RELN: variants seen among roughly 807,000 people sequenced by gnomAD.
The protein encoded by RELN is reelin.
Under a neutral mutation model 427.6 loss-of-function variants are expected in RELN, and 108 were observed. The ratio of observed to expected loss-of-function variants is 0.25; its 90% confidence interval spans 0.22 to 0.30. RELN has a LOEUF of 0.30. Among genes scored for constraint, RELN ranks in the 10% least tolerant of loss-of-function variants. RELN has a pLI of 1.00. For missense variants in RELN, 3,715 were observed against 4,302.8 expected (o/e 0.86, Z 3.82); for synonymous variants, 1,524 against 1,513.4 (o/e 1.01, Z -0.16).
At chr7:103,850,926 G>A (rs527741284) in intron 2 of RELN, among the ~76,000 whole-genome samples, 1 of 152,306 alleles carries the variant, frequency 6.6e-6, no homozygotes, top group East Asian at 1.9e-4. Flanking sequence ...AAACAGTGCA[G>A]AGATTCCTTA....
At chr7:103,514,516 G>T (rs137954119) in intron 50 of RELN, among the ~76,000 whole-genome samples, 76 of 152,156 alleles carry the variant, frequency 5.0e-4, no homozygotes, top group African/African-American at 1.8e-3. Flanking sequence ...AAAATTAGCT[G>T]GGCATGGTGT....
chr7:103,560,986 T>G (rs1044368750), intron 36 of RELN, among the ~76,000 whole-genome samples: 1 of 152,218 alleles, frequency 6.6e-6, no homozygotes, highest in Non-Finnish European at 1.5e-5. Flanking sequence ...TATTCACATA[T>G]GAAGATATGC....
rs201731543 is a variant in RELN, at chr7:103,472,855, T to C, written c.10340A>G (p.His3447Arg). ...TGACCTTCGTCTTCTGTTGTAGAAA[T>C]GTCTGAGCCCATGTTGTCGTGAAAA... Reference protein sequence around the residue: ...MNFSRQHGLRHFYNRRRRSLR... With the variant: ...MNFSRQHGLRRFYNRRRRSLR... Residue 3447 changes from histidine to arginine, a missense_variant, in exon 65 of 65, where the codon CAT (histidine) becomes CGT (arginine). By Grantham distance (29) the His-to-Arg change is conservative. Transcript: ENST00000428762. The C allele has an allele frequency of 5.0e-6, 8 of 1,614,002 alleles. No homozygotes were observed. In the Admixed American group the frequency reaches 1.3e-4, roughly 27 times the overall value.
intron 11 of RELN, among the ~76,000 whole-genome samples, chr7:103,681,638 C>T (rs1460198013): frequency 6.6e-6 from 1 of 152,136 alleles, no homozygotes; most frequent in Admixed American, 6.5e-5. Flanking sequence ...TCCTCTATTT[C>T]AACCTCAGTC....
chr7:103,753,037 C>T (rs1791046277), intron 5 of RELN, 145 bp downstream of exon 5: 1 of 807,368 alleles, frequency 1.2e-6, no homozygotes, highest in Non-Finnish European at 2.1e-6. Flanking sequence ...CAAGTATAAT[C>T]CGTACCCAAG....
chr7:103,794,522 A>C (rs760600847), intron 3 of RELN, among the ~76,000 whole-genome samples: 8 of 152,170 alleles, frequency 5.3e-5, no homozygotes, highest in Non-Finnish European at 8.8e-5. Context: ...TGCATATCAC[A>C]TGCATATCTA....
intron 1 of RELN, among the ~76,000 whole-genome samples, chr7:103,924,982 GCATACACATACACACACA>G (rs1795695256): frequency 2.4e-5 from 1 of 42,220 alleles, no homozygotes; most frequent in African/African-American, 6.3e-5. Context: ...GTGTGCATGC[GCATACACATACACACACA>G]CACACACACA....
In RELN at chr7:103,569,004, T is replaced by C. The variant is rs1830822849; in HGVS notation, c.4589-2245A>G. Among the ~76,000 whole-genome samples the C allele has an allele frequency of 6.6e-6, 1 of 152,244 alleles. No homozygotes were observed. Among genetic ancestry groups the C allele is most frequent in the Non-Finnish European group, 1.5e-5 (1 of 68,034 alleles). The stretch of plus-strand genomic sequence containing the variant: ...ACTCTTCCGTTCAAAAAGTGGAGCT[T>C]AATTCTTCCCCCTTTGAGTGTGGAT... On this transcript the variant is annotated intron_variant, in intron 31 of 64. Coordinates refer to ENST00000428762, the MANE Select transcript of RELN (RefSeq NM_005045.4). This position sits in a 1 kb window ranked among gnomAD's most constrained non-coding sequence, Gnocchi z 4.0.
intron 61 of RELN, chr7:103,484,646 A>T (rs557635529): frequency 7.2e-5 from 11 of 152,176 alleles, no homozygotes; most frequent in African/African-American, 2.6e-4. Flanking sequence ...TTTCTACACA[A>T]AGTATTTTCG....
chr7:103,661,585 A>C lies in RELN; in HGVS notation c.1290-58T>G, dbSNP rs959151881. ...AGAATATTAAGCCAAATCTTTATAA[A>C]GAATAACATTTAGTTTTTAGTGAGG... On this transcript the variant is annotated intron_variant, in intron 11 of 64. Coordinates refer to ENST00000428762, the MANE Select transcript of RELN (RefSeq NM_005045.4). The C allele has an allele frequency of 5.3e-6, 8 of 1,509,844 alleles. No individual in the cohort carries two copies. In the African/African-American group the frequency reaches 1.1e-4, roughly 21 times the overall value. The allele number at this position is 1,509,844 out of a possible 1,614,324, so 93.5% of individuals were successfully genotyped here. A position where few individuals can be genotyped will look rare whatever the true frequency, so the allele number is the denominator to read the frequency against.
At chr7:103,697,591 G>T (rs1834002446) in intron 10 of RELN, among the ~76,000 whole-genome samples, 1 of 152,112 alleles carries the variant, frequency 6.6e-6, no homozygotes, top group Non-Finnish European at 1.5e-5. Flanking sequence ...CTGCCTTTTT[G>T]TGGTTATATT....
intron 16 of RELN, among the ~76,000 whole-genome samples, chr7:103,644,089 T>C (rs1242983589): frequency 6.6e-6 from 1 of 151,714 alleles, no homozygotes; most frequent in Non-Finnish European, 1.5e-5. Flanking sequence ...GCATACATTA[T>C]AGTCACATCC....
chr7:103,678,569 T>C (rs147369719), intron 11 of RELN, among the ~76,000 whole-genome samples: 1 of 152,212 alleles, frequency 6.6e-6, no homozygotes, highest in African/African-American at 2.4e-5. Flanking sequence ...GGTGGGAAAA[T>C]ATGGATAATT....
At chr7:103,695,385 C>T (rs1584413998) in intron 10 of RELN, among the ~76,000 whole-genome samples, 1 of 151,954 alleles carries the variant, frequency 6.6e-6, no homozygotes, top group Non-Finnish European at 1.5e-5. Context: ...TAAATCATTA[C>T]TACAATGATT....
intron 11 of RELN, among the ~76,000 whole-genome samples, chr7:103,671,858 T>C (rs1386396062): frequency 3.9e-5 from 6 of 152,162 alleles, no homozygotes; most frequent in African/African-American, 1.4e-4. Flanking sequence ...TTGTTTTACT[T>C]TAATAAAAGT....
intron 64 of RELN, among the ~76,000 whole-genome samples, chr7:103,475,395 G>C (rs1828001060): frequency 6.6e-6 from 1 of 152,066 alleles, no homozygotes. Context: ...GGTGGTCAAG[G>C]CATGTTTGTT....
At chr7:103,494,176 A>G (rs1424183692) in intron 57 of RELN, among the ~76,000 whole-genome samples, 10 of 152,128 alleles carry the variant, frequency 6.6e-5, no homozygotes, top group Non-Finnish European at 1.5e-4. Context: ...GCATTTGGGG[A>G]GCTTGCCTTA....
At chr7:103,529,590 G>A (rs1330495606) in intron 46 of RELN, among the ~76,000 whole-genome samples, 1 of 151,920 alleles carries the variant, frequency 6.6e-6, no homozygotes. Context: ...ATTCAGAGTA[G>A]GGGCTATGAA....
intron 1 of RELN, among the ~76,000 whole-genome samples, chr7:103,921,834 G>T (rs1014187732): frequency 1.4e-5 from 2 of 143,692 alleles, no homozygotes; most frequent in African/African-American, 5.9e-5. Flanking sequence ...CTGCCTCCTG[G>T]CCTCTGCTCT....
Sources: gnomAD v4.1 joint callset for allele counts (sites outside exome capture counted in the v4.1 genomes callset) on GRCh38, gnomAD v4.1.1 for gene constraint, Gnocchi (gnomAD v3.1) non-coding constraint, MANE v1.5 for transcripts, NCBI Gene and HGNC (gene_info 2026-07-23, HGNC 2026-07-21) for gene names.